RASAL2: variants seen among roughly 807,000 people sequenced by gnomAD.
The protein encoded by RASAL2 is RAS protein activator like 2, also known as ras GTPase-activating protein nGAP.
In RASAL2, 58 loss-of-function variants were observed where a neutral mutation model predicts 128.9. The observed-to-expected ratio is 0.45, with a 90% confidence interval of 0.36 to 0.56. RASAL2 has a LOEUF of 0.56. RASAL2 is among the 20% of genes least tolerant of loss of function. RASAL2 has a pLI of 0.00. For missense variants in RASAL2, 1,360 were observed against 1,601.6 expected, an observed-to-expected ratio of 0.85 and a Z score of 2.57; for synonymous variants, 561 against 580.8, an observed-to-expected ratio of 0.97 and a Z score of 0.49.
chr1:178,271,981 C>A (rs1666280818), intron 1 of RASAL2, among the ~76,000 whole-genome samples: 1 of 152,164 alleles, frequency 6.6e-6, no homozygotes, highest in African/African-American at 2.4e-5. Context: ...ATACATTTCC[C>A]TTCACCACCT....
At chr1:178,203,200 G>A (rs533536968) in intron 1 of RASAL2, among the ~76,000 whole-genome samples, 4 of 152,276 alleles carry the variant, frequency 2.6e-5, no homozygotes, top group African/African-American at 9.6e-5. Flanking sequence ...CTTATCCACT[G>A]TCATGGTATT....
At chr1:178,466,556 T>G (rs1647721874) in intron 16 of RASAL2, among the ~76,000 whole-genome samples, 1 of 152,242 alleles carries the variant, frequency 6.6e-6, no homozygotes, top group Admixed American at 6.5e-5. Context: ...TACCAAACAC[T>G]TGTATAGCAC....
At chr1:178,209,220 C>T (rs746293021) in intron 1 of RASAL2, among the ~76,000 whole-genome samples, 15 of 151,934 alleles carry the variant, frequency 9.9e-5, no homozygotes, top group Non-Finnish European at 1.6e-4. Context: ...CTTTTGTCTC[C>T]GTTGGTTGCT....
In RASAL2 at chr1:178,475,127, C is replaced by T. The variant is rs1174449208; in HGVS notation, c.*1888C>T. On this transcript the variant is annotated 3_prime_UTR_variant, in exon 18 of 18. Coordinates refer to ENST00000367649, the MANE Select transcript of RASAL2 (RefSeq NM_170692.4). ...TGTGTTGGACCTTACGTTTCAGCAA[C>T]CTCACCATGGCCACATAACCCACAA... The T allele has an allele frequency of 6.6e-6, 1 of 152,218 alleles. No individual in the cohort carries two copies. The highest frequency in any genetic ancestry group is 1.5e-5 in the Non-Finnish European group (1 of 68,048). The allele number at this position is 152,218 out of a possible 1,614,324, so 9.4% of individuals were successfully genotyped here.
chr1:178,260,283 C>T (rs1414135846), intron 1 of RASAL2, among the ~76,000 whole-genome samples: 6 of 140,666 alleles, frequency 4.3e-5, no homozygotes, highest in African/African-American at 1.6e-4. Context: ...ACCGGAGAGG[C>T]GGAGGTTGCA....
intron 1 of RASAL2, among the ~76,000 whole-genome samples, chr1:178,131,164 T>C (rs1282779265): frequency 1.3e-5 from 2 of 151,998 alleles, no homozygotes; most frequent in Non-Finnish European, 2.9e-5. Flanking sequence ...TAAAACCCAG[T>C]AAGTGCCAAG....
At chr1:178,118,162 TAA>T (rs1224244846) in intron 1 of RASAL2, among the ~76,000 whole-genome samples, 4 of 140,578 alleles carry the variant, frequency 2.8e-5, no homozygotes, top group Non-Finnish European at 3.1e-5. Flanking sequence ...AGACTCTGTT[TAA>T]AAAAAAAAAA....
chr1:178,368,966 C>T (rs984871602), intron 3 of RASAL2, among the ~76,000 whole-genome samples: 33 of 152,186 alleles, frequency 2.2e-4, no homozygotes, highest in African/African-American at 7.5e-4. Flanking sequence ...TATTTTGATG[C>T]TCTTGACTCA....
At chr1:178,421,902 A>G (rs1675165562) in intron 5 of RASAL2, among the ~76,000 whole-genome samples, 1 of 152,052 alleles carries the variant, frequency 6.6e-6, no homozygotes, top group African/African-American at 2.4e-5. Flanking sequence ...TAATCATAAA[A>G]AAAGATTTTT....
rs375225072 is a variant in RASAL2 at position 178,390,140 on chromosome 1, A to G, written c.498A>G (p.Ser166=). The change falls in exon 4 of 18, where the codon TCA becomes TCG. Residue 166 remains serine (S), a synonymous_variant. Transcript: ENST00000367649. ...AERSPRRRSI[S]GTSTSEKPNS... ...GGTCCCCTCGTAGACGGAGTATCTC[A>G]GGGACCAGTACATCAGAGAAACCCA... 6 of 1,612,784 alleles carry G rather than the reference A, an allele frequency of 3.7e-6. No homozygotes were observed. In the African/African-American group the frequency reaches 6.7e-5, roughly 18 times the overall value.
intron 3 of RASAL2, among the ~76,000 whole-genome samples, chr1:178,353,546 A>C (rs1220933802): frequency 6.6e-6 from 1 of 152,014 alleles, no homozygotes; most frequent in Admixed American, 6.5e-5. Context: ...GGGAGTTCCA[A>C]ATTTTCCCTC....
At chr1:178,159,146 A>G (rs181926345) in intron 1 of RASAL2, among the ~76,000 whole-genome samples, 20 of 152,358 alleles carry the variant, frequency 1.3e-4, no homozygotes, top group Admixed American at 1.3e-3. Context: ...TGAATGTGTA[A>G]GCTTGTACTG....
In RASAL2 at chr1:178,458,497, A is replaced by T. The variant is rs1488193013; in HGVS notation, c.3205A>T (p.Ser1069Cys). ...SRQQSSSSRESPVPKVRAIQR... is the reference protein window; with the variant it reads ...SRQQSSSSRECPVPKVRAIQR... Reference sequence around the variant, plus strand: ...GCAGCAGTCCTCTTCCTCCAGAGAGAGCCCTGTTCCCAAAGTTAGAGCAAT... The same window carrying T: ...GCAGCAGTCCTCTTCCTCCAGAGAGTGCCCTGTTCCCAAAGTTAGAGCAAT... The change falls in exon 14 of 18, where the codon AGC (serine) becomes TGC (cysteine). Residue 1069 changes from serine to cysteine, a missense_variant. Physicochemically the swap from Ser to Cys is moderately radical, Grantham distance 112. Coordinates refer to ENST00000367649, the MANE Select transcript of RASAL2 (RefSeq NM_170692.4). 2 of 1,613,796 alleles carry T rather than the reference A, an allele frequency of 1.2e-6. No individual in the cohort carries two copies. Among genetic ancestry groups the T allele is most frequent in the Non-Finnish European group, 1.7e-6 (2 of 1,179,846 alleles).
intron 3 of RASAL2, among the ~76,000 whole-genome samples, chr1:178,357,004 T>A (rs893177598): frequency 6.6e-6 from 1 of 152,230 alleles, no homozygotes; most frequent in Admixed American, 6.5e-5. Flanking sequence ...TTTTTTGCAG[T>A]TGCCAACTTT....
intron 7 of RASAL2, among the ~76,000 whole-genome samples, chr1:178,441,864 G>A (rs1291646625): frequency 1.3e-5 from 2 of 152,040 alleles, no homozygotes; most frequent in Non-Finnish European, 2.9e-5. Flanking sequence ...ATTGGCTCAC[G>A]GTTCTGCAGG....
At position 178,371,355 on chromosome 1, in the gene RASAL2, T is replaced by TACACACACAC. The variant is rs766584516; in HGVS notation, c.458-18732_458-18723dup. Reference sequence around the variant, plus strand: ...ACACACACACACACACACACACAAATACACACACACACACACACACACTTC... The same window carrying TACACACACAC: ...ACACACACACACACACACACACAAATACACACACACACACACACACACACACACACACTTC... On this transcript the variant is annotated intron_variant, in intron 3 of 17. Coordinates refer to ENST00000367649, the MANE Select transcript of RASAL2 (RefSeq NM_170692.4). Among the ~76,000 whole-genome samples the TACACACACAC allele has an allele frequency of 2.1e-3, 271 of 127,742 alleles. 2 individuals carry two copies. The highest frequency in any genetic ancestry group is 6.2e-3 in the African/African-American group (203 of 32,862). The allele number at this position is 127,742 out of a possible 152,430, so 83.8% of individuals were successfully genotyped here. A position where few individuals can be genotyped will look rare whatever the true frequency, so the allele number is the denominator to read the frequency against.
intron 3 of RASAL2, among the ~76,000 whole-genome samples, chr1:178,337,529 T>C (rs890713782): frequency 3.6e-4 from 55 of 152,106 alleles, no homozygotes; most frequent in African/African-American, 1.1e-3. Context: ...GTGTTTATGG[T>C]TAGAAGAAGC....
chr1:178,110,597 T>C (rs1459546284), intron 1 of RASAL2, among the ~76,000 whole-genome samples: 3 of 145,844 alleles, frequency 2.1e-5, no homozygotes, highest in South Asian at 4.3e-4. Context: ...ATGCTATATA[T>C]ACTGTATATA....
intron 1 of RASAL2, among the ~76,000 whole-genome samples, chr1:178,270,422 C>T (rs1666191534): frequency 6.6e-6 from 1 of 151,816 alleles, no homozygotes; most frequent in African/African-American, 2.4e-5. Flanking sequence ...AATTATATTA[C>T]TGCATTTTTT....
Sources: gnomAD v4.1 joint callset for allele counts (sites outside exome capture counted in the v4.1 genomes callset) on GRCh38, gnomAD v4.1.1 for gene constraint, MANE v1.5 for transcripts, NCBI Gene and HGNC (gene_info 2026-07-23, HGNC 2026-07-21) for gene names.